RBM47: variants seen among roughly 807,000 people sequenced by gnomAD.
The protein encoded by RBM47 is RNA-binding protein 47.
Under a neutral mutation model 47.1 loss-of-function variants are expected in RBM47, and 21 were observed. The ratio of observed to expected loss-of-function variants is 0.45; its 90% confidence interval spans 0.32 to 0.64. The LOEUF is 0.64. Among genes scored for constraint, RBM47 ranks in the 30% least tolerant of loss-of-function variants. RBM47 has a pLI of 0.05. For synonymous variants in RBM47, 375 were observed against 361.7 expected (o/e 1.04, Z -0.42); for missense variants, 708 against 870.9 (o/e 0.81, Z 2.35).
intron 1 of RBM47, among the ~76,000 whole-genome samples, chr4:40,589,449 G>T (rs1733920401): frequency 6.6e-6 from 1 of 151,800 alleles, no homozygotes; most frequent in Non-Finnish European, 1.5e-5. Context: ...TTGAGATGGA[G>T]TCTCGCTCTG....
chr4:40,570,249 T>C (rs1471930046), intron 1 of RBM47, among the ~76,000 whole-genome samples: 2 of 151,870 alleles, frequency 1.3e-5, no homozygotes, highest in African/African-American at 2.4e-5. Context: ...TATTATTACA[T>C]TGCAGTACAT....
Position 40,454,536 on chromosome 4 carries a change from C to T in RBM47, c.-32+12041G>A, listed in dbSNP as rs546708741. Reference sequence around the variant, plus strand: ...TTTTTGAGATGGAGTCTCACTCTGTCACCCAGGTTGGAGTGCAGTGGCACC... The same window carrying T: ...TTTTTGAGATGGAGTCTCACTCTGTTACCCAGGTTGGAGTGCAGTGGCACC... On this transcript the variant is annotated intron_variant, in intron 3 of 6. Transcript: ENST00000295971. Among the ~76,000 whole-genome samples, 5 of 152,268 alleles carry T rather than the reference C, an allele frequency of 3.3e-5. No individual in the cohort carries two copies. The East Asian group carries it at 9.6e-4, about 29-fold the overall frequency.
chr4:40,493,930 C>T (rs1427364837), intron 2 of RBM47, among the ~76,000 whole-genome samples: 1 of 152,052 alleles, frequency 6.6e-6, no homozygotes. Flanking sequence ...CAGAGTGAGA[C>T]CCTGTCTCAA....
At chr4:40,529,931 CTT>C (rs1184871315) in intron 2 of RBM47, among the ~76,000 whole-genome samples, 104 of 124,486 alleles carry the variant, frequency 8.4e-4, no homozygotes, top group African/African-American at 3.2e-3. Context: ...ATTAGACCCC[CTT>C]TTTTTTTTTT....
At chr4:40,550,834 G>A (rs571671127) in intron 1 of RBM47, among the ~76,000 whole-genome samples, 2 of 151,768 alleles carry the variant, frequency 1.3e-5, no homozygotes, top group Admixed American at 6.6e-5. Flanking sequence ...AGATATGCAT[G>A]AAGAAACTCG....
chr4:40,531,465 G>C (rs771361483), intron 2 of RBM47, among the ~76,000 whole-genome samples: 26 of 151,906 alleles, frequency 1.7e-4, no homozygotes, highest in Non-Finnish European at 3.2e-4. Flanking sequence ...TGGAGATAAG[G>C]GGATAGGCGG....
chr4:40,586,462 C>A (rs1733595399), intron 1 of RBM47, among the ~76,000 whole-genome samples: 1 of 151,284 alleles, frequency 6.6e-6, no homozygotes, highest in African/African-American at 2.4e-5. Flanking sequence ...GAGGGTGCTC[C>A]TGGGTAAGAA....
chr4:40,450,439 A>C (rs1026261022), intron 3 of RBM47, among the ~76,000 whole-genome samples: 4 of 151,844 alleles, frequency 2.6e-5, no homozygotes, highest in Non-Finnish European at 5.9e-5. Flanking sequence ...ACTGAAAAAA[A>C]AAAAATATAA....
intron 2 of RBM47, among the ~76,000 whole-genome samples, chr4:40,515,354 C>T (rs1725446519): frequency 1.4e-5 from 2 of 143,484 alleles, no homozygotes; most frequent in South Asian, 4.3e-4. Context: ...ACGCACTCAT[C>T]GGCTACTGGA....
chr4:40,443,484 A>G lies in RBM47; in HGVS notation c.-31-4560T>C, dbSNP rs1713992124. Among the ~76,000 whole-genome samples, 4 of 151,890 alleles carry G rather than the reference A, an allele frequency of 2.6e-5. No individual in the cohort carries two copies. The South Asian group carries it at 8.3e-4, about 32-fold the overall frequency. On this transcript the variant is annotated intron_variant, in intron 3 of 6. Transcript: ENST00000295971. The stretch of plus-strand genomic sequence containing the variant: ...TGTAATCCCAGCACTTTGGGAGGCT[A>G]AGGTGGGCGGATCACCTGAGGTTGG...
chr4:40,436,933 T>TCC, intron 4 of RBM47: 1 of 427,718 alleles, frequency 2.3e-6, no homozygotes, highest in Non-Finnish European at 4.5e-6. Flanking sequence ...CACCACCCCC[T>TCC]CCCCCCCGCC....
chr4:40,424,216 C>T lies in RBM47; in HGVS notation c.*1688G>A, dbSNP rs192269890. 3 of 152,524 alleles carry T rather than the reference C, an allele frequency of 2.0e-5. No individual in the cohort carries two copies. Among genetic ancestry groups the T allele is most frequent in the East Asian group, 1.9e-4 (1 of 5,182 alleles). 9.4% of individuals were successfully genotyped at this position (152,524 alleles called of 1,614,324 possible). A position where few individuals can be genotyped will look rare whatever the true frequency, so the allele number is the denominator to read the frequency against. On this transcript the variant is annotated 3_prime_UTR_variant, in exon 7 of 7. Coordinates refer to ENST00000295971, the MANE Select transcript of RBM47 (RefSeq NM_001098634.2). The stretch of plus-strand genomic sequence containing the variant: ...AGAATTCAGCCATCAACAAAAATCC[C>T]GTGAGTGGAAAATTGTATGGATCTC...
chr4:40,615,976 T>C (rs960240959), intron 1 of RBM47, among the ~76,000 whole-genome samples: 2 of 152,128 alleles, frequency 1.3e-5, no homozygotes, highest in African/African-American at 4.8e-5. Flanking sequence ...TCACTGACAG[T>C]TTCTATAGCC....
intron 1 of RBM47, among the ~76,000 whole-genome samples, chr4:40,545,066 T>C (rs1728890470): frequency 6.7e-6 from 1 of 148,320 alleles, no homozygotes; most frequent in Non-Finnish European, 1.5e-5. Flanking sequence ...TTTTTTTTTT[T>C]TTTCAGACGG....
intron 2 of RBM47, among the ~76,000 whole-genome samples, chr4:40,500,618 C>T (rs1723234356): frequency 6.6e-6 from 1 of 151,412 alleles, no homozygotes; most frequent in Non-Finnish European, 1.5e-5. Context: ...ATATATAAAA[C>T]CAACAAAAGT....
intron 1 of RBM47, among the ~76,000 whole-genome samples, chr4:40,592,975 ATATATTTTT>A (rs1560493377): frequency 3.5e-3 from 52 of 14,892 alleles, no homozygotes; most frequent in Non-Finnish European, 4.8e-3. Context: ...ATATATATAT[ATATATTTTT>A]TTTTTTTTTT....
chr4:40,612,418 AAG>A (rs1333446537), intron 1 of RBM47, among the ~76,000 whole-genome samples: 1 of 152,212 alleles, frequency 6.6e-6, no homozygotes, highest in Non-Finnish European at 1.5e-5. Context: ...AGGCTGAGGC[AAG>A]AGAATAGCTT....
At chr4:40,605,366 G>C (rs1284108046) in intron 1 of RBM47, among the ~76,000 whole-genome samples, 2 of 152,144 alleles carry the variant, frequency 1.3e-5, no homozygotes, top group African/African-American at 4.8e-5. Flanking sequence ...CAGCTCTGGG[G>C]CTGGAGCACA....
At chr4:40,581,094 T>C (rs2154271009) in intron 1 of RBM47, among the ~76,000 whole-genome samples, 1 of 152,260 alleles carries the variant, frequency 6.6e-6, no homozygotes, top group South Asian at 2.1e-4. Flanking sequence ...GAAAAACTCA[T>C]GAGCCATAGG....
Sources: gnomAD v4.1 joint callset for allele counts (sites outside exome capture counted in the v4.1 genomes callset) on GRCh38, gnomAD v4.1.1 for gene constraint, MANE v1.5 for transcripts, NCBI Gene and HGNC (gene_info 2026-07-23, HGNC 2026-07-21) for gene names.